Variants in ZNF454 observed in about 807,000 individuals in gnomAD.
ZNF454 encodes the protein zinc finger protein 454.
In ZNF454, 30 loss-of-function variants were observed where a neutral mutation model predicts 48.2. The observed-to-expected ratio is 0.62, with a 90% CI of 0.47 to 0.84. The LOEUF (loss-of-function observed/expected upper bound fraction) is 0.84, where lower values mean the gene tolerates loss of function less well. Among genes scored for constraint, ZNF454 ranks in the 40% least tolerant of loss-of-function variants. The pLI is 0.00. For missense variants in ZNF454, 510 were observed against 623.1 expected (o/e 0.82, Z 1.93); for synonymous variants, 204 against 211.4 (o/e 0.97, Z 0.30).
At chr5:178,988,072 A>G in the ZNF454 span, among the ~76,000 whole-genome samples, 1 of 152,100 alleles carries the variant, frequency 6.6e-6, no homozygotes, top group East Asian at 1.9e-4. The surrounding 1 kb of genome is among the most constrained non-coding windows in gnomAD (Gnocchi z 6.0). Context: ...AATGTATTTA[A>G]TATCACTGAA....
intron 4 of ZNF454, among the ~76,000 whole-genome samples, chr5:178,958,115 A>G (rs976386986): frequency 1.3e-5 from 2 of 152,130 alleles, no homozygotes; most frequent in Non-Finnish European, 2.9e-5. Flanking sequence ...TTATACAGAA[A>G]CTGTTTTCTA....
rs994974737 is a variant in ZNF454, at chr5:178,944,375, G to A, written c.33+1551G>A. On this transcript the variant is annotated intron_variant, in intron 2 of 4. Transcript: ENST00000519564. The surrounding 1 kb of genome is among the most constrained non-coding windows in gnomAD (Gnocchi z 4.1). ...TAACCTTTTCCTCAAAGTCACTGTCGGTGTCATACAATTTATCTTGTGTTT... is the reference window on the plus strand; with the variant it reads ...TAACCTTTTCCTCAAAGTCACTGTCAGTGTCATACAATTTATCTTGTGTTT... 6.6e-5 allele frequency among the ~76,000 whole-genome samples: 10 copies of A among 152,116 alleles called. No homozygotes were observed. The highest frequency in any genetic ancestry group is 5.9e-5 in the Non-Finnish European group (4 of 68,030).
intron 4 of ZNF454, among the ~76,000 whole-genome samples, chr5:178,960,931 A>C (rs1759990254): frequency 7.2e-6 from 1 of 139,374 alleles, no homozygotes; most frequent in African/African-American, 2.7e-5. Context: ...CCAGTCTCAC[A>C]ATCTTTTTTT....
the ZNF454 span, among the ~76,000 whole-genome samples, chr5:178,988,602 T>C: frequency 6.6e-6 from 1 of 152,138 alleles, no homozygotes; most frequent in Non-Finnish European, 1.5e-5. The surrounding 1 kb of genome is among the most constrained non-coding windows in gnomAD (Gnocchi z 6.0). Flanking sequence ...GTGCCCCACG[T>C]GCACCCCCAG....
At chr5:178,979,706 A>G in the ZNF454 span, 1 of 152,230 alleles carries the variant, frequency 6.6e-6, no homozygotes, top group Non-Finnish European at 1.5e-5. Context: ...CATGAATGTA[A>G]AACTGTGGAA....
chr5:178,973,759 C>T, the ZNF454 span, among the ~76,000 whole-genome samples: 5 of 149,422 alleles, frequency 3.3e-5, no homozygotes, highest in Non-Finnish European at 7.4e-5. Flanking sequence ...AGGAGAATGG[C>T]CTGAACCCAG....
At chr5:178,978,618 C>G in the ZNF454 span, 1 of 152,228 alleles carries the variant, frequency 6.6e-6, no homozygotes, top group Non-Finnish European at 1.5e-5. Flanking sequence ...TAATCTTACT[C>G]TGCTTTAGAG....
chr5:178,965,661 A>T lies in ZNF454; in HGVS notation c.1257A>T (p.Lys419Asn), dbSNP rs1166313303. 6.2e-7 allele frequency: 1 copy of T among 1,614,090 alleles called. No homozygotes were observed. Among genetic ancestry groups the T allele is most frequent in the Non-Finnish European group, 8.5e-7 (1 of 1,180,046 alleles). The change falls in exon 5 of 5, where the codon AAA becomes AAT. Residue 419 changes from lysine to asparagine, a missense_variant. Coordinates refer to ENST00000519564, the MANE Select transcript of ZNF454 (RefSeq NM_001178089.3). This position sits in a 1 kb window ranked among gnomAD's most constrained non-coding sequence, Gnocchi z 5.2. ...EKPYRCGLCE[K>N]AFRDQSALAQ... is the part of the protein sequence containing the mutation. ...CTTACAGATGTGGCTTGTGTGAGAAAGCCTTTCGGGACCAATCAGCACTAG... is the reference window on the plus strand; with the variant it reads ...CTTACAGATGTGGCTTGTGTGAGAATGCCTTTCGGGACCAATCAGCACTAG...
the ZNF454 span, among the ~76,000 whole-genome samples, chr5:178,982,467 A>G: frequency 1.3e-5 from 2 of 150,936 alleles, no homozygotes; most frequent in South Asian, 2.1e-4. Context: ...AGTCCCAGCT[A>G]CGGGGGAGGC....
At chr5:178,985,669 C>T in the ZNF454 span, 519 of 401,610 alleles carry the variant, frequency 1.3e-3, 7 homozygotes, top group Non-Finnish European at 1.9e-3. Context: ...TGCCACTGCA[C>T]TCCAGCCTGG....
At chr5:178,961,268 A>G (rs1760006202) in intron 4 of ZNF454, among the ~76,000 whole-genome samples, 1 of 151,660 alleles carries the variant, frequency 6.6e-6, no homozygotes, top group Non-Finnish European at 1.5e-5. Context: ...GTAAGTTACT[A>G]TGTATGGGAT....
the ZNF454 span, chr5:178,983,144 G>T: frequency 6.2e-7 from 1 of 1,613,946 alleles, no homozygotes. Context: ...CCTGCTCGGG[G>T]TCCACCGTCC....
chr5:178,965,337 C>T lies in ZNF454; in HGVS notation c.933C>T (p.Cys311=), dbSNP rs35018630. The T allele has an allele frequency of 1.4e-3, 2,296 of 1,614,106 alleles. 8 individuals are homozygous for T. Among genetic ancestry groups the T allele is most frequent in the Non-Finnish European group, 1.5e-3 (1,725 of 1,180,030 alleles). ...ACATTTGTGAAAAAGCCTTTGTGTG[C>T]AGGGCACACCTTACCAAACACCAGA... ...KCNICEKAFV[C]RAHLTKHQNI... is the part of the protein sequence containing the mutation. Residue 311 remains cysteine, a synonymous_variant, in exon 5 of 5, where the codon TGC becomes TGT. Coordinates refer to ENST00000519564, the MANE Select transcript of ZNF454 (RefSeq NM_001178089.3). This position sits in a 1 kb window ranked among gnomAD's most constrained non-coding sequence, Gnocchi z 5.2.
rs188916122 is a variant in ZNF454, at chr5:178,963,023, T to A, written c.251-1632T>A. On this transcript the variant is annotated intron_variant, in intron 4 of 4. Transcript: ENST00000519564. Reference sequence around the variant, plus strand: ...TTGGAAGGTCCTGGTTCTGTTGTACTAAAAGACTAGAAAATTCTGGATTTC... The same window carrying A: ...TTGGAAGGTCCTGGTTCTGTTGTACAAAAAGACTAGAAAATTCTGGATTTC... Among the ~76,000 whole-genome samples, 3 of 151,954 alleles carry A rather than the reference T, an allele frequency of 2.0e-5. No homozygotes were observed. The East Asian group carries it at 6.0e-4, about 31-fold the overall frequency.
chr5:178,959,185 G>A (rs1759897428), intron 4 of ZNF454, among the ~76,000 whole-genome samples: 1 of 151,994 alleles, frequency 6.6e-6, no homozygotes, highest in African/African-American at 2.4e-5. Flanking sequence ...TTTTCTATAG[G>A]GGTATCCAGT....
At chr5:178,973,787 G>T in the ZNF454 span, among the ~76,000 whole-genome samples, 1 of 148,786 alleles carries the variant, frequency 6.7e-6, no homozygotes, top group South Asian at 2.1e-4. Context: ...AGCTTGCAGT[G>T]AGCCGAGATC....
chr5:178,977,328 G>T, the ZNF454 span: 1 of 439,310 alleles, frequency 2.3e-6, no homozygotes, highest in Non-Finnish European at 4.6e-6. Flanking sequence ...AGAGACCCCA[G>T]GGTGCCCTCA....
At chr5:178,988,686 GA>G in the ZNF454 span, among the ~76,000 whole-genome samples, 1 of 152,264 alleles carries the variant, frequency 6.6e-6, no homozygotes, top group African/African-American at 2.4e-5. This position sits in a 1 kb window ranked among gnomAD's most constrained non-coding sequence, Gnocchi z 6.0. Flanking sequence ...TGGCAGAAGG[GA>G]TCAGAGAAGC....
At chr5:178,967,757 T>TG (rs1760186935), downstream of ZNF454, among the ~76,000 whole-genome samples, 1 of 148,006 alleles carries the variant, frequency 6.8e-6, no homozygotes, top group Non-Finnish European at 1.5e-5. Context: ...TTTTTTTTTT[T>TG]GAGACAGAGT....
Sources: gnomAD v4.1 joint callset for allele counts (sites outside exome capture counted in the v4.1 genomes callset) on GRCh38, gnomAD v4.1.1 for gene constraint, Gnocchi (gnomAD v3.1) non-coding constraint, MANE v1.5 for transcripts, NCBI Gene and HGNC (gene_info 2026-07-23, HGNC 2026-07-21) for gene names.